SLC4A10: variants seen among roughly 807,000 people sequenced by gnomAD.
SLC4A10 encodes the protein solute carrier family 4 member 10.
SLC4A10 carries 42 observed loss-of-function variants against 137.7 expected under a neutral mutation model. The ratio of observed to expected loss-of-function variants is 0.30; its 90% CI spans 0.24 to 0.39. The LOEUF is 0.39. Among genes scored for constraint, SLC4A10 ranks in the 10% least tolerant of loss-of-function variants. SLC4A10 has a pLI of 1.00. For missense variants in SLC4A10, 925 were observed against 1,355.0 expected (o/e 0.68, Z 4.98); for synonymous variants, 474 against 464.1 (o/e 1.02, Z -0.27).
intron 1 of SLC4A10, among the ~76,000 whole-genome samples, chr2:161,715,645 T>A (rs1350473408): frequency 6.6e-6 from 1 of 152,082 alleles, no homozygotes; most frequent in African/African-American, 2.4e-5. Flanking sequence ...TCCAGCTCCA[T>A]CCATATCCCT....
chr2:161,933,806 T>C (rs1691066055), intron 15 of SLC4A10, among the ~76,000 whole-genome samples: 1 of 152,182 alleles, frequency 6.6e-6, no homozygotes, highest in Admixed American at 6.6e-5. Flanking sequence ...CAGATATCTC[T>C]TCCATTTACT....
Position 161,786,951 on chromosome 2 carries a change from T to C in SLC4A10, c.130+15897T>C, listed in dbSNP as rs115019102. Among the ~76,000 whole-genome samples, 1,328 of 152,082 alleles carry C rather than the reference T, an allele frequency of 8.7e-3. 18 individuals carry two copies. The highest frequency in any genetic ancestry group is 0.03 in the African/African-American group (1,256 of 41,522). On this transcript the variant is annotated intron_variant, in intron 2 of 26. Transcript: ENST00000446997. ...TGCAGTCTCAGTGGTGTAATTGCTT[T>C]ATAGGATCTTTGAATTTTGTACTTA...
At chr2:161,929,578 G>A (rs750490372) in intron 15 of SLC4A10, among the ~76,000 whole-genome samples, 2 of 152,110 alleles carry the variant, frequency 1.3e-5, no homozygotes, top group African/African-American at 2.4e-5. Context: ...GGATGCTCCC[G>A]ATAGATGACA....
intron 1 of SLC4A10, among the ~76,000 whole-genome samples, chr2:161,769,447 T>TG (rs1156631761): frequency 3.9e-5 from 6 of 151,994 alleles, no homozygotes; most frequent in African/African-American, 1.2e-4. Context: ...AGATATGCAG[T>TG]GGGGGGTAAG....
chr2:161,796,272 T>C (rs1006927863), intron 2 of SLC4A10, among the ~76,000 whole-genome samples: 1 of 152,340 alleles, frequency 6.6e-6, no homozygotes, highest in East Asian at 1.9e-4. Flanking sequence ...GTCATAATTC[T>C]GTAGGTTGTG....
At chr2:161,728,970 C>T (rs2046532624) in intron 1 of SLC4A10, among the ~76,000 whole-genome samples, 1 of 151,728 alleles carries the variant, frequency 6.6e-6, no homozygotes, top group Non-Finnish European at 1.5e-5. Flanking sequence ...TTAATTGAGG[C>T]AGAAAATGCA....
intron 2 of SLC4A10, among the ~76,000 whole-genome samples, chr2:161,791,994 G>C (rs73971361): frequency 0.03 from 4,624 of 152,090 alleles, 243 homozygotes; most frequent in African/African-American, 0.1. Context: ...TGGGGGTCCT[G>C]GTTATACATT....
At chr2:161,855,204 A>G (rs1351090818) in intron 5 of SLC4A10, 74 bp downstream of exon 5, 4 of 1,408,044 alleles carry the variant, frequency 2.8e-6, no homozygotes, top group Non-Finnish European at 3.8e-6. Flanking sequence ...TTATAATTCA[A>G]TATACGTATG....
chr2:161,629,544 A>G (rs1012154256), intron 1 of SLC4A10, among the ~76,000 whole-genome samples: 2 of 151,928 alleles, frequency 1.3e-5, no homozygotes, highest in African/African-American at 4.8e-5. Context: ...CATTTGTTAC[A>G]GTTGATGAAA....
chr2:161,767,002 G>A (rs2050880860), intron 1 of SLC4A10, among the ~76,000 whole-genome samples: 2 of 147,648 alleles, frequency 1.4e-5, no homozygotes, highest in African/African-American at 5.0e-5. Context: ...CTCCTTTGTT[G>A]AAATGTATCT....
rs898913406 is a variant in SLC4A10 at position 161,983,993 on chromosome 2, G to T, written c.*841G>T. 6.6e-6 allele frequency: 1 copy of T among 152,116 alleles called. No homozygotes were observed. Among genetic ancestry groups the T allele is most frequent in the South Asian group, 2.1e-4 (1 of 4,828 alleles). The allele number at this position is 152,116 out of a possible 1,614,324, so 9.4% of individuals were successfully genotyped here. On this transcript the variant is annotated 3_prime_UTR_variant, in exon 27 of 27. Coordinates refer to ENST00000446997, the MANE Select transcript of SLC4A10 (RefSeq NM_001178015.2). ...CCTTTATCAGAAATATACTAAGTTT[G>T]TCTCCCACTGACAACAGATGTTTTC...
At position 161,754,028 on chromosome 2, in the gene SLC4A10, T is replaced by C. The variant is rs573842056; in HGVS notation, c.49-16945T>C. Among the ~76,000 whole-genome samples, 12 of 152,108 alleles carry C rather than the reference T, an allele frequency of 7.9e-5. No individual in the cohort carries two copies. In the South Asian group the frequency reaches 1.9e-3, roughly 24 times the overall value. ...CCTCAGCCTCCAGAGTAGCTGAGAC[T>C]ATAGGTATGTGCCACCACACTCAGC... On this transcript the variant is annotated intron_variant, in intron 1 of 26. Coordinates refer to ENST00000446997, the MANE Select transcript of SLC4A10 (RefSeq NM_001178015.2).
chr2:161,702,910 G>A (rs1287066802), intron 1 of SLC4A10, among the ~76,000 whole-genome samples: 2 of 151,730 alleles, frequency 1.3e-5, no homozygotes, highest in African/African-American at 4.8e-5. Flanking sequence ...ACAAAGATAA[G>A]TCTATTTGGT....
At chr2:161,744,658 A>T (rs1411059832) in intron 1 of SLC4A10, among the ~76,000 whole-genome samples, 1 of 152,148 alleles carries the variant, frequency 6.6e-6, no homozygotes, top group Non-Finnish European at 1.5e-5. Context: ...TTTTCAATGG[A>T]TGACAACTTA....
At chr2:161,651,440 G>A (rs1253650520) in intron 1 of SLC4A10, 1 of 152,440 alleles carries the variant, frequency 6.6e-6, no homozygotes, top group Non-Finnish European at 1.5e-5. Context: ...TAAAAGAGCT[G>A]TAATACAAAC....
intron 2 of SLC4A10, among the ~76,000 whole-genome samples, chr2:161,777,164 A>G (rs965377590): frequency 1.3e-5 from 2 of 151,374 alleles, no homozygotes; most frequent in Non-Finnish European, 1.5e-5. Flanking sequence ...TAAAAAATTT[A>G]ATAGGGTAAA....
chr2:161,849,362 T>G (rs1349973928), intron 4 of SLC4A10, among the ~76,000 whole-genome samples: 1 of 152,198 alleles, frequency 6.6e-6, no homozygotes, highest in Non-Finnish European at 1.5e-5. Context: ...ATGATTTGAC[T>G]TCCTCTTTCT....
chr2:161,660,556 A>ATTTCTTTCTTTCTTTCTTTCTTTCCTTC (rs2038156537), intron 1 of SLC4A10, among the ~76,000 whole-genome samples: 3 of 110,368 alleles, frequency 2.7e-5, no homozygotes, highest in African/African-American at 1.2e-4. Flanking sequence ...ACTCATCTAT[A>ATTTCTTTCTTTCTTTCTTTCTTTCCTTC]TTTCTTTCTT....
intron 2 of SLC4A10, among the ~76,000 whole-genome samples, chr2:161,794,182 T>G (rs1475464025): frequency 6.6e-6 from 1 of 152,162 alleles, no homozygotes; most frequent in Non-Finnish European, 1.5e-5. Flanking sequence ...AGTGGCCTTC[T>G]GTCCTCAGCC....
Sources: gnomAD v4.1 joint callset for allele counts (sites outside exome capture counted in the v4.1 genomes callset) on GRCh38, gnomAD v4.1.1 for gene constraint, MANE v1.5 for transcripts, NCBI Gene and HGNC (gene_info 2026-07-23, HGNC 2026-07-21) for gene names.